The following SV2B variants were observed in gnomAD, a reference collection of about 807,000 sequenced individuals.
SV2B encodes solute carrier family 22 member B2.
SV2B carries 41 observed loss-of-function variants against 73.9 expected under a neutral mutation model. That is an observed-to-expected ratio of 0.56 (90% CI 0.43 to 0.72). SV2B has a LOEUF of 0.72. Ranked by LOEUF, SV2B falls within the 30% of genes least tolerant of loss-of-function variation. SV2B has a pLI of 0.00. For missense variants in SV2B, 764 were observed against 857.8 expected (o/e 0.89, Z 1.37); for synonymous variants, 314 against 314.2 (o/e 1.00, Z 0.01).
chr15:91,221,758 T>A (rs17594929), intron 1 of SV2B, among the ~76,000 whole-genome samples: 24,898 of 151,534 alleles, frequency 0.16, 2,163 homozygotes, highest in Non-Finnish European at 0.2. Flanking sequence ...CCTGGTTTCA[T>A]TGCCGTTAGA....
At chr15:91,138,901 G>T (rs2141179979) in intron 1 of SV2B, among the ~76,000 whole-genome samples, 1 of 152,194 alleles carries the variant, frequency 6.6e-6, no homozygotes, top group Non-Finnish European at 1.5e-5. Context: ...GAGATAGCTT[G>T]GGAAACATAA....
Position 91,197,813 on chromosome 15 carries a change from C to T in SV2B, c.-391-28060C>T, listed in dbSNP as rs1023929125. ...CTTTGGGAGGCCGAGATGGGTGGAT[C>T]ACCTGAGGTCAGGAGTTCCAGATCA... On this transcript the variant is annotated intron_variant, in intron 1 of 12. Coordinates refer to ENST00000394232, the MANE Select transcript of SV2B (RefSeq NM_001323032.3). This position sits in a 1 kb window ranked among gnomAD's most constrained non-coding sequence, Gnocchi z 4.9. Among the ~76,000 whole-genome samples, 1 of 152,042 alleles carries T rather than the reference C, an allele frequency of 6.6e-6. No homozygotes were observed.
In SV2B at chr15:91,268,157, A is replaced by G. The variant is rs137932745; in HGVS notation, c.1209-284A>G. On this transcript the variant is annotated intron_variant, in intron 8 of 12. Coordinates refer to ENST00000394232, the MANE Select transcript of SV2B (RefSeq NM_001323032.3). This position sits in a 1 kb window ranked among gnomAD's most constrained non-coding sequence, Gnocchi z 4.4. ...CACTAAGATTCTGGCTGAGACATGT[A>G]TATTTTACATGTTAAGGAGGTGTCC... 1.9e-3 allele frequency among the ~76,000 whole-genome samples: 287 copies of G among 152,310 alleles called. 2 individuals carry two copies. The highest frequency in any genetic ancestry group is 0.017 in the Middle Eastern group (5 of 294).
At chr15:91,255,097 G>A (rs970884802) in intron 4 of SV2B, among the ~76,000 whole-genome samples, 1 of 152,200 alleles carries the variant, frequency 6.6e-6, no homozygotes, top group Non-Finnish European at 1.5e-5. Flanking sequence ...GAAAAGGCAG[G>A]AGGATGTTGT....
At chr15:91,182,314 C>T (rs150112170) in intron 1 of SV2B, among the ~76,000 whole-genome samples, 148 of 152,280 alleles carry the variant, frequency 9.7e-4, no homozygotes, top group Non-Finnish European at 2.0e-3. Flanking sequence ...TGCTTCAGGC[C>T]CTGCACTAAA....
rs1223814268 is a variant in SV2B at position 91,122,229 on chromosome 15, C to T, written c.-392+21866C>T. ...TCATCGATATATGTTCCATTAAAGC[C>T]AGGGGTGTCGTAGATGCAGGTACAA... On this transcript the variant is annotated intron_variant, in intron 1 of 12. Transcript: ENST00000394232. The surrounding 1 kb of genome is among the most constrained non-coding windows in gnomAD (Gnocchi z 4.3). 1.3e-5 allele frequency among the ~76,000 whole-genome samples: 2 copies of T among 152,148 alleles called. No homozygotes were observed. Among genetic ancestry groups the T allele is most frequent in the East Asian group, 3.8e-4 (2 of 5,200 alleles).
intron 12 of SV2B, 79 bp from the exon 13 acceptor site, chr15:91,292,290 A>G (rs2049068671): frequency 1.4e-6 from 2 of 1,421,838 alleles, no homozygotes; most frequent in Admixed American, 4.5e-5. Flanking sequence ...TCCCCCTGCA[A>G]TAAGGAAAAG....
chr15:91,180,154 G>A (rs575404890), intron 1 of SV2B, among the ~76,000 whole-genome samples: 256 of 152,180 alleles, frequency 1.7e-3, no homozygotes, highest in Non-Finnish European at 3.0e-3. Flanking sequence ...CACTTATGAA[G>A]CTTAGTTTGG....
chr15:91,177,849 T>C (rs1445013812), intron 1 of SV2B, among the ~76,000 whole-genome samples: 1 of 143,184 alleles, frequency 7.0e-6, no homozygotes, highest in Non-Finnish European at 1.5e-5. Flanking sequence ...CAGGGACAAT[T>C]TGACTTCCTC....
Position 91,141,498 on chromosome 15 carries a change from C to T in SV2B, c.-392+41135C>T, listed in dbSNP as rs1481516804. Reference sequence around the variant, plus strand: ...GGTTCCGCTTTGAGGGCCAGCTCTGCCACTTACCATCTGTGAGACTTTCAG... The same window carrying T: ...GGTTCCGCTTTGAGGGCCAGCTCTGTCACTTACCATCTGTGAGACTTTCAG... On this transcript the variant is annotated intron_variant, in intron 1 of 12. Coordinates refer to ENST00000394232, the MANE Select transcript of SV2B (RefSeq NM_001323032.3). This position sits in a 1 kb window ranked among gnomAD's most constrained non-coding sequence, Gnocchi z 4.6. Among the ~76,000 whole-genome samples the T allele has an allele frequency of 6.6e-6, 1 of 152,160 alleles. No homozygotes were observed. Among genetic ancestry groups the T allele is most frequent in the Non-Finnish European group, 1.5e-5 (1 of 68,024 alleles).
chr15:91,117,309 A>G (rs1453196159), intron 1 of SV2B, among the ~76,000 whole-genome samples: 1 of 152,234 alleles, frequency 6.6e-6, no homozygotes, highest in Non-Finnish European at 1.5e-5. Flanking sequence ...TATCTTACAC[A>G]CTTGTTAAAA....
In SV2B at chr15:91,118,985, C is replaced by G. The variant is rs545846085; in HGVS notation, c.-392+18622C>G. ...GTGGGGGTGGGCGTGCTGGCTGATC[C>G]GCTTGGGGCTCCCGGCTTTTACTCC... is the stretch of plus-strand genomic sequence containing the variant. On this transcript the variant is annotated intron_variant, in intron 1 of 12. Transcript: ENST00000394232. The surrounding 1 kb of genome is among the most constrained non-coding windows in gnomAD (Gnocchi z 4.7). 1.1e-4 allele frequency among the ~76,000 whole-genome samples: 17 copies of G among 152,234 alleles called. 2 individuals are homozygous for G. The South Asian group carries it at 3.5e-3, about 32-fold the overall frequency.
At chr15:91,175,059 A>G (rs2044253392) in intron 1 of SV2B, among the ~76,000 whole-genome samples, 1 of 152,182 alleles carries the variant, frequency 6.6e-6, no homozygotes, top group African/African-American at 2.4e-5. Flanking sequence ...ACACAAATAT[A>G]TAGTGTCCTG....
At chr15:91,218,137 A>G (rs147453863) in intron 1 of SV2B, among the ~76,000 whole-genome samples, 1 of 152,368 alleles carries the variant, frequency 6.6e-6, no homozygotes, top group African/African-American at 2.4e-5. Flanking sequence ...GCCTTCAGAA[A>G]TGAAGACTCT....
At chr15:91,248,210 A>G (rs2047326589) in intron 2 of SV2B, among the ~76,000 whole-genome samples, 2 of 152,138 alleles carry the variant, frequency 1.3e-5, no homozygotes, top group South Asian at 4.1e-4. Flanking sequence ...AGTCCCAGCT[A>G]CTAGGGAGGC....
rs373675789 is a variant in SV2B at position 91,289,615 on chromosome 15, G to A, written c.1803G>A (p.Gly601=). The part of the protein sequence containing the change: ...AMIGWQCLFC[G]TSIAAWNALD... ...TCGGCTGGCAGTGCCTGTTCTGTGGGACAAGCATTGCAGCCTGGAATGCTC... is the reference window on the plus strand; with the variant it reads ...TCGGCTGGCAGTGCCTGTTCTGTGGAACAAGCATTGCAGCCTGGAATGCTC... The change falls in exon 12 of 13, where the codon GGG becomes GGA. Residue 601 remains glycine (G), a synonymous_variant. Transcript: ENST00000394232. This position sits in a 1 kb window ranked among gnomAD's most constrained non-coding sequence, Gnocchi z 4.9. The A allele has an allele frequency of 6.2e-7, 1 of 1,614,196 alleles. No individual in the cohort carries two copies. Among genetic ancestry groups the A allele is most frequent in the Non-Finnish European group, 8.5e-7 (1 of 1,180,042 alleles).
chr15:91,125,666 T>C (rs1170013417), intron 1 of SV2B, among the ~76,000 whole-genome samples: 2 of 151,148 alleles, frequency 1.3e-5, no homozygotes, highest in African/African-American at 4.9e-5. Flanking sequence ...TCCCAGCTAC[T>C]TGGGAGGCTG....
At chr15:91,203,809 G>A (rs1202290778) in intron 1 of SV2B, among the ~76,000 whole-genome samples, 1 of 152,110 alleles carries the variant, frequency 6.6e-6, no homozygotes, top group Admixed American at 6.5e-5. Flanking sequence ...ATCTGTGGAG[G>A]AAGGGAGAGC....
At chr15:91,125,237 T>C (rs2042442566) in intron 1 of SV2B, among the ~76,000 whole-genome samples, 1 of 152,194 alleles carries the variant, frequency 6.6e-6, no homozygotes, top group Non-Finnish European at 1.5e-5. Flanking sequence ...GGTCACATTC[T>C]GAAGTTCTGG....
Sources: gnomAD v4.1 joint callset for allele counts (sites outside exome capture counted in the v4.1 genomes callset) on GRCh38, gnomAD v4.1.1 for gene constraint, Gnocchi (gnomAD v3.1) non-coding constraint, MANE v1.5 for transcripts, NCBI Gene and HGNC (gene_info 2026-07-23, HGNC 2026-07-21) for gene names.